The following AUTS2 variants were observed in gnomAD, a reference collection of about 807,000 sequenced individuals.
AUTS2 encodes the protein activator of transcription and developmental regulator AUTS2.
Under a neutral mutation model 112.4 loss-of-function variants are expected in AUTS2, and 17 were observed. That is an observed-to-expected ratio of 0.15 (90% CI 0.10 to 0.23). AUTS2 has a LOEUF of 0.23. AUTS2 is among the 10% of genes least tolerant of loss of function. The probability of loss-of-function intolerance (pLI) is 1.00; values close to 1 mark genes in which losing one functional copy is unlikely to be tolerated. For synonymous variants in AUTS2, 751 were observed against 702.7 expected (o/e 1.07, Z -1.09); for missense variants, 1,510 against 1,701.6 (o/e 0.89, Z 1.98).
intron 4 of AUTS2, among the ~76,000 whole-genome samples, chr7:70,304,378 C>T (rs7792287): frequency 1.6e-4 from 24 of 152,164 alleles, no homozygotes; most frequent in Non-Finnish European, 3.2e-4. Flanking sequence ...TTTACTTAGT[C>T]GATATATCTC....
At position 70,013,741 on chromosome 7, in the gene AUTS2, CG is replaced by C. The variant is rs1799905511; in HGVS notation, c.523-104389del. Among the ~76,000 whole-genome samples, 3 of 152,232 alleles carry C rather than the reference CG, an allele frequency of 2.0e-5. No homozygotes were observed. In the South Asian group the frequency reaches 6.2e-4, roughly 32 times the overall value. On this transcript the variant is annotated intron_variant, in intron 2 of 18. Transcript: ENST00000342771. ...AGGTTTTTGTTTTTGTTTTTTGAGA[CG>C]GAGTCTCTCTCTGTCACCAGGCTGG...
chr7:70,408,242 T>C (rs1295993032), intron 4 of AUTS2, among the ~76,000 whole-genome samples: 1 of 151,806 alleles, frequency 6.6e-6, no homozygotes, highest in African/African-American at 2.4e-5. Context: ...TTTCCCACCT[T>C]TTAAATTCCC....
intron 4 of AUTS2, among the ~76,000 whole-genome samples, chr7:70,410,468 G>A (rs1205150084): frequency 1.3e-5 from 2 of 151,370 alleles, no homozygotes; most frequent in African/African-American, 4.9e-5. Context: ...CTATCGCCCA[G>A]GCTGGAGTGC....
intron 5 of AUTS2, among the ~76,000 whole-genome samples, chr7:70,541,886 GA>G (rs1467896074): frequency 6.6e-6 from 1 of 152,198 alleles, no homozygotes; most frequent in Non-Finnish European, 1.5e-5. Flanking sequence ...TGCAGTGTTT[GA>G]AAGGTGACAA....
intron 5 of AUTS2, among the ~76,000 whole-genome samples, chr7:70,470,321 G>A (rs1467016289): frequency 6.6e-6 from 1 of 152,168 alleles, no homozygotes; most frequent in Non-Finnish European, 1.5e-5. Context: ...CAGTTCTGGT[G>A]AACCAGTTCA....
chr7:70,011,700 T>A (rs982637213), intron 2 of AUTS2, among the ~76,000 whole-genome samples: 10 of 152,166 alleles, frequency 6.6e-5, no homozygotes, highest in African/African-American at 1.4e-4. Flanking sequence ...TAGCTTTTTT[T>A]AAAATCATCT....
At chr7:70,719,487 G>A (rs1447163695) in intron 6 of AUTS2, among the ~76,000 whole-genome samples, 5 of 107,864 alleles carry the variant, frequency 4.6e-5, no homozygotes, top group African/African-American at 1.8e-4. Context: ...CCCCCGAAAT[G>A]GAGTCTCACT....
chr7:69,974,304 G>T (rs956628623), intron 2 of AUTS2, among the ~76,000 whole-genome samples: 11 of 148,262 alleles, frequency 7.4e-5, no homozygotes, highest in Non-Finnish European at 1.5e-5. Context: ...TAATGTCTGT[G>T]TCTTTTTTCT....
At position 70,169,248 on chromosome 7, in the gene AUTS2, A is replaced by T. The variant is rs549623635; in HGVS notation, c.660+34677A>T. ...ATGTCAAATGATTATTAATATATAT[A>T]TATTTTTTTTGAGACGGCATCTCAC... is the stretch of plus-strand genomic sequence containing the variant. On this transcript the variant is annotated intron_variant, in intron 4 of 18. Transcript: ENST00000342771. Among the ~76,000 whole-genome samples, 14 of 150,932 alleles carry T rather than the reference A, an allele frequency of 9.3e-5. 1 individual carries two copies. Among genetic ancestry groups the T allele is most frequent in the Admixed American group, 1.3e-4 (2 of 15,112 alleles).
intron 4 of AUTS2, among the ~76,000 whole-genome samples, chr7:70,257,014 G>A (rs1468699178): frequency 2.0e-5 from 3 of 152,170 alleles, no homozygotes; most frequent in Admixed American, 6.5e-5. Context: ...AAGAAAATTA[G>A]ATGCCTGGCT....
rs533658650 is a variant in AUTS2 at position 70,170,057 on chromosome 7, G to T, written c.660+35486G>T. On this transcript the variant is annotated intron_variant, in intron 4 of 18. Transcript: ENST00000342771. ...ATTTGCTGGGAATCAGGAGAGGGGA[G>T]GGAATTTCAAATAATAGAGGTTTTT... Among the ~76,000 whole-genome samples, 5 of 150,992 alleles carry T rather than the reference G, an allele frequency of 3.3e-5. No homozygotes were observed. The East Asian group carries it at 9.7e-4, about 29-fold the overall frequency.
chr7:70,775,952 G>T (rs1790661160), intron 13 of AUTS2, among the ~76,000 whole-genome samples: 1 of 152,200 alleles, frequency 6.6e-6, no homozygotes, highest in Non-Finnish European at 1.5e-5. Context: ...CAGACATGAT[G>T]AATTGTTGGA....
intron 1 of AUTS2, among the ~76,000 whole-genome samples, chr7:69,695,756 A>G (rs554937576): frequency 2.6e-5 from 4 of 152,260 alleles, no homozygotes; most frequent in Admixed American, 1.3e-4. Context: ...CCCTCCCACA[A>G]CTGCAGGAAT....
chr7:70,312,129 G>T (rs1789787616), intron 4 of AUTS2, among the ~76,000 whole-genome samples: 1 of 152,188 alleles, frequency 6.6e-6, no homozygotes, highest in African/African-American at 2.4e-5. Context: ...ACAGTGCTGG[G>T]ATTACAAGCG....
At chr7:70,079,306 T>C (rs191303271) in intron 2 of AUTS2, among the ~76,000 whole-genome samples, 2 of 152,264 alleles carry the variant, frequency 1.3e-5, no homozygotes, top group African/African-American at 4.8e-5. Flanking sequence ...TGAGCTGGTT[T>C]TTTAGTAAAA....
intron 1 of AUTS2, among the ~76,000 whole-genome samples, chr7:69,692,410 G>A (rs889426363): frequency 2.0e-5 from 3 of 152,180 alleles, no homozygotes; most frequent in African/African-American, 7.2e-5. Flanking sequence ...TGTTGCTCTG[G>A]TACTTACGTG....
chr7:70,141,765 T>C (rs564733207), intron 4 of AUTS2, among the ~76,000 whole-genome samples: 2 of 152,350 alleles, frequency 1.3e-5, no homozygotes, highest in South Asian at 2.1e-4. Flanking sequence ...GTTTTTGATC[T>C]GTTAACATTT....
intron 6 of AUTS2, among the ~76,000 whole-genome samples, chr7:70,716,018 A>G (rs1810344944): frequency 6.6e-6 from 1 of 152,264 alleles, no homozygotes. Context: ...ACTTGATTCA[A>G]GAAAGTAGGC....
intron 4 of AUTS2, among the ~76,000 whole-genome samples, chr7:70,243,764 A>G (rs1007939702): frequency 2.6e-5 from 4 of 152,128 alleles, no homozygotes; most frequent in Non-Finnish European, 5.9e-5. Context: ...CCAAAAGGGT[A>G]ATGCTACAAA....
Sources: gnomAD v4.1 joint callset for allele counts (sites outside exome capture counted in the v4.1 genomes callset) on GRCh38, gnomAD v4.1.1 for gene constraint, MANE v1.5 for transcripts, NCBI Gene and HGNC (gene_info 2026-07-23, HGNC 2026-07-21) for gene names.